The following PCDHGA6 variants were observed in gnomAD, a reference collection of about 807,000 sequenced individuals.
The protein encoded by PCDHGA6 is protocadherin gamma subfamily A, 6.
Under a neutral mutation model 60.6 loss-of-function variants are expected in PCDHGA6, and 41 were observed. The ratio of observed to expected loss-of-function variants is 0.68; its 90% confidence interval spans 0.53 to 0.88. The LOEUF (loss-of-function observed/expected upper bound fraction) is 0.88. Ranked by LOEUF, PCDHGA6 falls within the 40% of genes least tolerant of loss-of-function variation. The pLI is 0.00. For synonymous variants in PCDHGA6, 594 were observed against 524.4 expected, an observed-to-expected ratio of 1.13 and a Z score of -1.81; for missense variants, 1,312 against 1,203.0, an observed-to-expected ratio of 1.09 and a Z score of -1.34.
At position 141,376,322 on chromosome 5, in the gene PCDHGA6, C is replaced by A. The variant is rs750074970; in HGVS notation, c.2239C>A (p.Arg747=). The change falls in exon 1 of 4, where the codon CGG becomes AGG. Residue 747 remains arginine, a synonymous_variant. Transcript: ENST00000517434. ...GCACTTTGTGGGCGTGGAAGGGGTTCGGGCTTTCCTGCAGACCTATTCCCA... is the reference window on the plus strand; with the variant it reads ...GCACTTTGTGGGCGTGGAAGGGGTTAGGGCTTTCCTGCAGACCTATTCCCA... ...GSHFVGVEGV[R]AFLQTYSHEV... The A allele has an allele frequency of 9.3e-6, 15 of 1,614,056 alleles. No individual in the cohort carries two copies. The Admixed American group carries it at 1.2e-4, about 13-fold the overall frequency.
chr5:141,423,864 G>A (rs180692491), intron 1 of PCDHGA6: 551 of 1,284,224 alleles, frequency 4.3e-4, no homozygotes, highest in Non-Finnish European at 5.0e-4. Context: ...TTTTGTGAAA[G>A]TCATTTTTCA....
chr5:141,399,412 T>C (rs1473017519), intron 1 of PCDHGA6: 3 of 1,613,948 alleles, frequency 1.9e-6, no homozygotes, highest in East Asian at 4.5e-5. Context: ...GCCGCCCCTC[T>C]CCTCCAGCAT....
chr5:141,430,865 C>A, intron 1 of PCDHGA6: 2 of 1,595,350 alleles, frequency 1.3e-6, no homozygotes, highest in Non-Finnish European at 1.7e-6. Flanking sequence ...CTATTCAGTT[C>A]CGGAAGAGCT....
intron 1 of PCDHGA6, chr5:141,423,195 G>A: frequency 1.2e-6 from 2 of 1,613,544 alleles, no homozygotes; most frequent in Non-Finnish European, 8.5e-7. Flanking sequence ...CCCCTCTCTC[G>A]GCCACCGTCA....
At chr5:141,438,063 A>G (rs540817874) in intron 1 of PCDHGA6, among the ~76,000 whole-genome samples, 11 of 152,224 alleles carry the variant, frequency 7.2e-5, no homozygotes, top group Non-Finnish European at 1.5e-4. Context: ...CTTTTAAGAA[A>G]CCATACTTAA....
At chr5:141,462,360 A>G (rs1400686908) in intron 1 of PCDHGA6, among the ~76,000 whole-genome samples, 1 of 152,238 alleles carries the variant, frequency 6.6e-6, no homozygotes, top group Non-Finnish European at 1.5e-5. Flanking sequence ...TATACATTGT[A>G]TAGTTTCTAT....
At chr5:141,451,334 C>G (rs916812246) in intron 1 of PCDHGA6, among the ~76,000 whole-genome samples, 4 of 152,192 alleles carry the variant, frequency 2.6e-5, no homozygotes, top group Non-Finnish European at 4.4e-5. Context: ...AGGCTATTGT[C>G]TTATCTGAAG....
chr5:141,383,273 A>G, intron 1 of PCDHGA6: 1 of 1,613,960 alleles, frequency 6.2e-7, no homozygotes, highest in Non-Finnish European at 8.5e-7. Flanking sequence ...GAAATAATAG[A>G]TATTAATGAC....
chr5:141,482,510 T>A (rs2099563292), intron 1 of PCDHGA6, among the ~76,000 whole-genome samples: 3 of 121,012 alleles, frequency 2.5e-5, no homozygotes, highest in African/African-American at 3.5e-5. Context: ...GTACCCAGAG[T>A]ACAGTATGAG....
At chr5:141,471,095 C>T (rs1266802067) in intron 1 of PCDHGA6, among the ~76,000 whole-genome samples, 1 of 144,764 alleles carries the variant, frequency 6.9e-6, no homozygotes, top group East Asian at 2.0e-4. Context: ...GTTGTCCAGG[C>T]TAGAGTGCAG....
chr5:141,409,805 C>T lies in PCDHGA6; in HGVS notation c.2424+33298C>T, dbSNP rs751397816. 8 of 1,611,512 alleles carry T rather than the reference C, an allele frequency of 5.0e-6. No individual in the cohort carries two copies. The African/African-American group carries it at 5.3e-5, about 11-fold the overall frequency. ...CGCCTTCGCGCTCACGCTGCAGGCC[C>T]GCGACCACGGCTCGCCCACGCTCAG... is the stretch of plus-strand genomic sequence containing the variant. On this transcript the variant is annotated intron_variant, in intron 1 of 3. Coordinates refer to ENST00000517434, the MANE Select transcript of PCDHGA6 (RefSeq NM_018919.3).
In PCDHGA6 at chr5:141,485,842, T is replaced by C; in HGVS notation, c.2425-8965T>C. ...TCGATGGAGGGAACCCGCCGAGATC[T>C]GGCACCGCAGAGCTCCGGGTATCCG... On this transcript the variant is annotated intron_variant, in intron 1 of 3. Coordinates refer to ENST00000517434, the MANE Select transcript of PCDHGA6 (RefSeq NM_018919.3). This position sits in a 1 kb window ranked among gnomAD's most constrained non-coding sequence, Gnocchi z 5.7. 1 of 1,614,002 alleles carries C rather than the reference T, an allele frequency of 6.2e-7. No homozygotes were observed. Among genetic ancestry groups the C allele is most frequent in the Non-Finnish European group, 8.5e-7 (1 of 1,179,982 alleles).
intron 1 of PCDHGA6, chr5:141,441,971 G>C: frequency 3.3e-6 from 1 of 298,820 alleles, no homozygotes; most frequent in Admixed American, 4.4e-5. Flanking sequence ...AGGCTCTTCA[G>C]CCTGGAATGC....
intron 1 of PCDHGA6, chr5:141,422,849 C>A: frequency 1.2e-6 from 2 of 1,614,238 alleles, no homozygotes; most frequent in Non-Finnish European, 8.5e-7. Context: ...AGCGGGGACC[C>A]GCCCCTCAGC....
chr5:141,431,660 A>G lies in PCDHGA6; in HGVS notation c.2424+55153A>G. On this transcript the variant is annotated intron_variant, in intron 1 of 3. Transcript: ENST00000517434. This position sits in a 1 kb window ranked among gnomAD's most constrained non-coding sequence, Gnocchi z 4.8. ...CAAACTAGATTGTAATTCAGGGACA[A>G]TATCAACAATAGGGGAGTTGGACCA... 7 of 1,614,256 alleles carry G rather than the reference A, an allele frequency of 4.3e-6. No individual in the cohort carries two copies. The highest frequency in any genetic ancestry group is 5.1e-6 in the Non-Finnish European group (6 of 1,180,046).
chr5:141,387,336 C>T (rs1351788377), intron 1 of PCDHGA6, among the ~76,000 whole-genome samples: 4 of 152,122 alleles, frequency 2.6e-5, no homozygotes, highest in African/African-American at 7.2e-5. Flanking sequence ...AATTACTGTA[C>T]TCTGAGACGG....
chr5:141,462,122 C>T (rs1437400069), intron 1 of PCDHGA6, among the ~76,000 whole-genome samples: 1 of 152,044 alleles, frequency 6.6e-6, no homozygotes, highest in South Asian at 2.1e-4. Context: ...TGCACCCAGT[C>T]CAATTTTTTG....
At chr5:141,413,520 A>G in intron 1 of PCDHGA6, 1 of 1,613,986 alleles carries the variant, frequency 6.2e-7, no homozygotes, top group Non-Finnish European at 8.5e-7. Flanking sequence ...TCCTTGTGGA[A>G]GACAGGGTGA....
intron 1 of PCDHGA6, among the ~76,000 whole-genome samples, chr5:141,438,593 T>C (rs982159150): frequency 4.1e-5 from 3 of 73,984 alleles, no homozygotes; most frequent in Non-Finnish European, 5.5e-5. Flanking sequence ...CATACATACA[T>C]ATATATATAT....
Sources: allele counts gnomAD v4.1 joint callset (sites outside exome capture counted in the v4.1 genomes callset), GRCh38; gene constraint gnomAD v4.1.1; non-coding constraint Gnocchi (gnomAD v3.1); transcripts MANE v1.5; gene names NCBI Gene and HGNC (gene_info 2026-07-23, HGNC 2026-07-21).